RALGAPA2: variants seen among roughly 807,000 people sequenced by gnomAD.
RALGAPA2 encodes the protein ral GTPase-activating protein subunit alpha-2.
RALGAPA2 carries 139 observed loss-of-function variants against 230.4 expected under a neutral mutation model. That is an observed-to-expected ratio of 0.60 (90% confidence interval 0.53 to 0.69). The LOEUF is 0.69. Among genes scored for constraint, RALGAPA2 ranks in the 30% least tolerant of loss-of-function variants. The pLI, the probability that RALGAPA2 is intolerant of heterozygous loss-of-function variation, is 0.00. For synonymous variants in RALGAPA2, 847 were observed against 837.8 expected, an observed-to-expected ratio of 1.01 and a Z score of -0.19; for missense variants, 2,163 against 2,276.0, an observed-to-expected ratio of 0.95 and a Z score of 1.01.
intron 37 of RALGAPA2, among the ~76,000 whole-genome samples, chr20:20,450,020 C>T (rs1435353730): frequency 1.3e-5 from 2 of 152,204 alleles, no homozygotes; most frequent in Non-Finnish European, 2.9e-5. Context: ...TTCATCCTCG[C>T]TTCCTGGGCT....
intron 4 of RALGAPA2, among the ~76,000 whole-genome samples, chr20:20,651,057 T>C (rs2067379912): frequency 1.3e-5 from 2 of 152,224 alleles, no homozygotes; most frequent in South Asian, 4.1e-4. Context: ...TCTTAAGCTA[T>C]AGAAATAATA....
At chr20:20,646,753 GT>G (rs1398870956) in intron 4 of RALGAPA2, among the ~76,000 whole-genome samples, 2 of 151,954 alleles carry the variant, frequency 1.3e-5, no homozygotes, top group African/African-American at 4.8e-5. Context: ...TCATGCAATG[GT>G]TTTTAAAAAT....
intron 31 of RALGAPA2, among the ~76,000 whole-genome samples, chr20:20,517,918 C>T (rs1311250540): frequency 6.6e-6 from 1 of 151,604 alleles, no homozygotes; most frequent in East Asian, 1.9e-4. Context: ...TATGATAAAA[C>T]AAGGTTGAAA....
chr20:20,410,254 A>C (rs527471759), intron 38 of RALGAPA2, among the ~76,000 whole-genome samples: 184 of 152,368 alleles, frequency 1.2e-3, no homozygotes, highest in African/African-American at 4.3e-3. Flanking sequence ...GGATGTTTGG[A>C]AAAGATCAAA....
At chr20:20,622,361 G>C (rs533623069) in intron 10 of RALGAPA2, among the ~76,000 whole-genome samples, 3 of 152,124 alleles carry the variant, frequency 2.0e-5, no homozygotes, top group African/African-American at 7.2e-5. Context: ...TCAATCCTTA[G>C]ATTTAAGAAT....
intron 1 of RALGAPA2, among the ~76,000 whole-genome samples, chr20:20,702,169 G>A (rs548317494): frequency 6.6e-6 from 1 of 152,298 alleles, no homozygotes; most frequent in Non-Finnish European, 1.5e-5. Context: ...CAGGGCAAGA[G>A]GATGAAGAAA....
At chr20:20,508,325 C>T (rs1424960866) in intron 33 of RALGAPA2, among the ~76,000 whole-genome samples, 2 of 152,220 alleles carry the variant, frequency 1.3e-5, no homozygotes, top group Admixed American at 6.5e-5. Context: ...CATGAAGGAG[C>T]AGGTAATTCA....
At chr20:20,566,908 T>G (rs1453258294) in intron 23 of RALGAPA2, among the ~76,000 whole-genome samples, 1 of 152,232 alleles carries the variant, frequency 6.6e-6, no homozygotes, top group Non-Finnish European at 1.5e-5. Context: ...CACTTCTGCA[T>G]TGGAGAGAGG....
intron 37 of RALGAPA2, among the ~76,000 whole-genome samples, chr20:20,469,617 T>C (rs992957112): frequency 6.6e-6 from 1 of 152,206 alleles, no homozygotes; most frequent in Non-Finnish European, 1.5e-5. Flanking sequence ...ATCTGTTTGA[T>C]TCAGGGTGAA....
chr20:20,569,007 G>C (rs1568589734), intron 23 of RALGAPA2, among the ~76,000 whole-genome samples: 1 of 152,098 alleles, frequency 6.6e-6, no homozygotes, highest in Non-Finnish European at 1.5e-5. Context: ...CCCTGAGATG[G>C]TACCAGTCAC....
chr20:20,521,389 G>A (rs146509485), intron 30 of RALGAPA2, among the ~76,000 whole-genome samples: 20 of 152,172 alleles, frequency 1.3e-4, no homozygotes, highest in African/African-American at 2.9e-4. Flanking sequence ...CACCAAAGGC[G>A]GCACAGGTAG....
intron 23 of RALGAPA2, among the ~76,000 whole-genome samples, chr20:20,551,386 G>A (rs1474914742): frequency 6.6e-6 from 1 of 152,194 alleles, no homozygotes; most frequent in East Asian, 1.9e-4. Flanking sequence ...CCTGCAAAAT[G>A]TTGCAATATA....
chr20:20,397,949 T>C (rs1291542439), intron 38 of RALGAPA2, among the ~76,000 whole-genome samples: 1 of 152,186 alleles, frequency 6.6e-6, no homozygotes, highest in Non-Finnish European at 1.5e-5. Context: ...CCACACCTGG[T>C]TGTGCTCTTT....
At chr20:20,503,238 A>G (rs2062429121) in intron 35 of RALGAPA2, 113 bp downstream of exon 35, 1 of 1,057,590 alleles carries the variant, frequency 9.5e-7, no homozygotes. Flanking sequence ...TCAGGGTCGT[A>G]GAGTTCAGAG....
intron 1 of RALGAPA2, among the ~76,000 whole-genome samples, chr20:20,681,066 G>A (rs985545078): frequency 1.1e-4 from 17 of 152,180 alleles, no homozygotes; most frequent in Admixed American, 5.9e-4. Flanking sequence ...AGCAACAACG[G>A]ACCAGCTAGA....
At chr20:20,518,966 C>T (rs2062956317) in intron 31 of RALGAPA2, among the ~76,000 whole-genome samples, 1 of 152,066 alleles carries the variant, frequency 6.6e-6, no homozygotes, top group South Asian at 2.1e-4. Flanking sequence ...AAAAGTAAAG[C>T]AGACATTGCA....
intron 25 of RALGAPA2, 48 bp from the exon 26 acceptor site, chr20:20,535,851 T>C (rs2063483476): frequency 6.5e-7 from 1 of 1,528,688 alleles, no homozygotes; most frequent in African/African-American, 1.4e-5. Flanking sequence ...TCATAGTTGG[T>C]TTCCCACATG....
At chr20:20,496,812 T>A (rs1041228892) in intron 35 of RALGAPA2, among the ~76,000 whole-genome samples, 4 of 152,236 alleles carry the variant, frequency 2.6e-5, no homozygotes, top group Non-Finnish European at 2.9e-5. Flanking sequence ...GAAGCTCATC[T>A]GTTGCAATGC....
intron 2 of RALGAPA2, among the ~76,000 whole-genome samples, chr20:20,677,248 G>GTA (rs2146802738): frequency 6.6e-6 from 1 of 152,266 alleles, no homozygotes; most frequent in Admixed American, 6.5e-5. Flanking sequence ...AAAAAAGATG[G>GTA]TATGCAATTT....
Sources: allele counts gnomAD v4.1 joint callset (sites outside exome capture counted in the v4.1 genomes callset), GRCh38; gene constraint gnomAD v4.1.1; transcripts MANE v1.5; gene names NCBI Gene and HGNC (gene_info 2026-07-23, HGNC 2026-07-21).